GRM5: variants seen among roughly 807,000 people sequenced by gnomAD.
The protein encoded by GRM5 is glutamate metabotropic receptor 5.
GRM5 carries 19 observed loss-of-function variants against 83.1 expected under a neutral mutation model. The observed-to-expected ratio is 0.23, with a 90% CI of 0.16 to 0.34. The LOEUF (loss-of-function observed/expected upper bound fraction) is 0.34. Ranked by LOEUF, GRM5 falls within the 10% of genes least tolerant of loss-of-function variation. The probability of loss-of-function intolerance (pLI) is 1.00; values close to 1 mark genes in which losing one functional copy is unlikely to be tolerated. For synonymous variants in GRM5, 675 were observed against 633.6 expected, an observed-to-expected ratio of 1.07 and a Z score of -0.98; for missense variants, 1,160 against 1,588.3, an observed-to-expected ratio of 0.73 and a Z score of 4.58.
intron 3 of GRM5, among the ~76,000 whole-genome samples, chr11:88,836,383 C>A (rs1421459653): frequency 3.3e-5 from 5 of 152,188 alleles, no homozygotes; most frequent in Non-Finnish European, 7.3e-5. Context: ...TGATTTATCA[C>A]AATGCCTGTC....
At chr11:88,592,339 A>G (rs544093596) in intron 6 of GRM5, among the ~76,000 whole-genome samples, 2 of 152,316 alleles carry the variant, frequency 1.3e-5, no homozygotes, top group East Asian at 3.9e-4. Flanking sequence ...AATGTTACCT[A>G]TTTCATTAAT....
chr11:88,995,647 A>G (rs1940163482), intron 2 of GRM5, among the ~76,000 whole-genome samples: 1 of 152,026 alleles, frequency 6.6e-6, no homozygotes, highest in African/African-American at 2.4e-5. Flanking sequence ...GGCAAGGACA[A>G]TTAAAGATTC....
At chr11:88,617,585 T>C (rs1365614029) in intron 4 of GRM5, among the ~76,000 whole-genome samples, 1 of 152,190 alleles carries the variant, frequency 6.6e-6, no homozygotes, top group Admixed American at 6.6e-5. Context: ...TTTCCTTTTC[T>C]TCTAGCTAAG....
intron 2 of GRM5, among the ~76,000 whole-genome samples, chr11:88,882,509 C>T (rs534192500): frequency 5.4e-5 from 8 of 148,910 alleles, no homozygotes; most frequent in South Asian, 2.1e-4. Context: ...CGCAGTGAGC[C>T]GAGATAGTGC....
At chr11:88,737,082 G>GAATC (rs1175315144) in intron 3 of GRM5, among the ~76,000 whole-genome samples, 1 of 152,046 alleles carries the variant, frequency 6.6e-6, no homozygotes, top group African/African-American at 2.4e-5. Context: ...AGGAGAAATT[G>GAATC]AATCACACAT....
chr11:88,831,936 G>A (rs1944002894), intron 3 of GRM5, among the ~76,000 whole-genome samples: 1 of 152,210 alleles, frequency 6.6e-6, no homozygotes, highest in Non-Finnish European at 1.5e-5. Context: ...TGGTGCCAGT[G>A]AATGCTGTGC....
intron 9 of GRM5, among the ~76,000 whole-genome samples, chr11:88,515,993 AC>A (rs1443248599): frequency 6.6e-5 from 10 of 152,144 alleles, no homozygotes; most frequent in Non-Finnish European, 1.3e-4. Flanking sequence ...ATCATATTTT[AC>A]CTTCATAACA....
intron 3 of GRM5, among the ~76,000 whole-genome samples, chr11:88,682,861 T>G (rs1940529204): frequency 6.6e-6 from 1 of 152,076 alleles, no homozygotes. Flanking sequence ...ATTCTTTCTT[T>G]TTTTCTTTGT....
chr11:88,508,843 C>T lies in GRM5; in HGVS notation c.3388G>A (p.Ala1130Thr), dbSNP rs779854731. The T allele has an allele frequency of 5.4e-5, 84 of 1,555,182 alleles. No homozygotes were observed. Among genetic ancestry groups the T allele is most frequent in the Non-Finnish European group, 5.5e-5 (63 of 1,151,578 alleles). Residue 1130 changes from alanine to threonine, a missense_variant, in exon 10 of 10, where the codon GCG (alanine) becomes ACG (threonine). Around this residue, in one of 9 missense-constraint regions of GRM5, gnomAD observed 562 missense variants for 532.4 expected, o/e 1.06. Transcript: ENST00000305447. The surrounding 1 kb of genome is among the most constrained non-coding windows in gnomAD (Gnocchi z 4.2). ...TCCCCAGCCGCCTGCGCCCCTGCCG[C>T]GGGCTGCGCGCCTCCCGTGACTTCG... ...AIEVTGGAQP[A>T]AGAQAAGDAA...
chr11:88,601,193 AT>A (rs770334727), intron 5 of GRM5, among the ~76,000 whole-genome samples: 1 of 152,146 alleles, frequency 6.6e-6, no homozygotes, highest in African/African-American at 2.4e-5. Context: ...TATGACACAG[AT>A]TTTTTACCAG....
chr11:89,031,172 A>G (rs2135124806), intron 2 of GRM5, among the ~76,000 whole-genome samples: 1 of 152,150 alleles, frequency 6.6e-6, no homozygotes, highest in South Asian at 2.1e-4. Flanking sequence ...ATCCATGGGA[A>G]GGGATAGGCA....
chr11:88,970,414 G>T (rs549644177), intron 2 of GRM5, among the ~76,000 whole-genome samples: 29 of 152,204 alleles, frequency 1.9e-4, no homozygotes, highest in African/African-American at 5.8e-4. Context: ...CTTCTTAAAC[G>T]TCTTTGTCTG....
chr11:88,513,648 G>A (rs1157392172), intron 9 of GRM5, among the ~76,000 whole-genome samples: 1 of 152,092 alleles, frequency 6.6e-6, no homozygotes, highest in African/African-American at 2.4e-5. Flanking sequence ...AGTGATAGTG[G>A]AAAGAAAGGA....
At chr11:88,543,761 T>A (rs1236599354) in intron 8 of GRM5, among the ~76,000 whole-genome samples, 1 of 151,914 alleles carries the variant, frequency 6.6e-6, no homozygotes, top group Non-Finnish European at 1.5e-5. Flanking sequence ...GAATTTATTA[T>A]GAAGAGAAAA....
chr11:88,994,748 C>G, intron 2 of GRM5, among the ~76,000 whole-genome samples: 1 of 151,202 alleles, frequency 6.6e-6, no homozygotes. Flanking sequence ...AAATCATTGT[C>G]TCAAGTATGT....
chr11:88,659,379 G>C (rs1012770642), intron 3 of GRM5, among the ~76,000 whole-genome samples: 2 of 152,098 alleles, frequency 1.3e-5, no homozygotes, highest in African/African-American at 2.4e-5. Context: ...CAACTGGCTT[G>C]AATGTTAAAA....
At chr11:88,824,651 C>T (rs1943863136) in intron 3 of GRM5, among the ~76,000 whole-genome samples, 1 of 152,146 alleles carries the variant, frequency 6.6e-6, no homozygotes, top group Non-Finnish European at 1.5e-5. Flanking sequence ...CTATGAGAAT[C>T]TAATGCTACC....
intron 8 of GRM5, among the ~76,000 whole-genome samples, chr11:88,526,364 A>T (rs1235322260): frequency 1.3e-5 from 2 of 152,182 alleles, no homozygotes; most frequent in African/African-American, 4.8e-5. Flanking sequence ...TAAGGTTTTT[A>T]AAAAAGAACT....
At chr11:88,863,206 T>C (rs1463439670) in intron 2 of GRM5, among the ~76,000 whole-genome samples, 1 of 152,146 alleles carries the variant, frequency 6.6e-6, no homozygotes, top group Non-Finnish European at 1.5e-5. Context: ...AGTATGGCAA[T>C]TCCTCAAAGG....
Sources: gnomAD v4.1 joint callset for allele counts (sites outside exome capture counted in the v4.1 genomes callset) on GRCh38, gnomAD v4.1.1 for gene constraint, gnomAD v4.1.1 regional missense constraint, Gnocchi (gnomAD v3.1) non-coding constraint, MANE v1.5 for transcripts, NCBI Gene and HGNC (gene_info 2026-07-23, HGNC 2026-07-21) for gene names.